UACA: variants seen among roughly 807,000 people sequenced by gnomAD.
UACA encodes nuclear membrane binding protein.
In UACA, 112 loss-of-function variants were observed where a neutral mutation model predicts 160.5. That is an observed-to-expected ratio of 0.70 (90% CI 0.60 to 0.82). The LOEUF is 0.82. UACA is among the 40% of genes least tolerant of loss of function. The probability of loss-of-function intolerance (pLI) is 0.00; values close to 1 mark genes in which losing one functional copy is unlikely to be tolerated. For synonymous variants in UACA, 557 were observed against 568.4 expected, an observed-to-expected ratio of 0.98 and a Z score of 0.29; for missense variants, 1,574 against 1,614.6, an observed-to-expected ratio of 0.97 and a Z score of 0.43.
intron 18 of UACA, among the ~76,000 whole-genome samples, chr15:70,659,834 A>G (rs1004381824): frequency 6.6e-6 from 1 of 152,024 alleles, no homozygotes; most frequent in Admixed American, 6.6e-5. Flanking sequence ...TGACAGCCAC[A>G]CGTGGATGTC....
At chr15:70,757,677 A>G (rs2030510849) in intron 1 of UACA, among the ~76,000 whole-genome samples, 2 of 152,224 alleles carry the variant, frequency 1.3e-5, no homozygotes, top group South Asian at 4.1e-4. Context: ...TCACTTTCCT[A>G]GCATCCTCCA....
chr15:70,719,912 T>C (rs1420182674), intron 1 of UACA, among the ~76,000 whole-genome samples: 2 of 152,192 alleles, frequency 1.3e-5, no homozygotes, highest in African/African-American at 4.8e-5. Context: ...ATGTGCTTCC[T>C]TTCTTCCCCC....
chr15:70,667,283 T>C lies in UACA; in HGVS notation c.3401A>G (p.Glu1134Gly). The C allele has an allele frequency of 6.2e-7, 1 of 1,612,182 alleles. No homozygotes were observed. The highest frequency in any genetic ancestry group is 8.5e-7 in the Non-Finnish European group (1 of 1,179,624). Residue 1134 changes from glutamate (E) to glycine (G), a missense_variant, in exon 16 of 19, where the codon GAA becomes GGA. Coordinates refer to ENST00000322954, the MANE Select transcript of UACA (RefSeq NM_018003.4). ...LNGTIENLKE[E>G]LKSMQRCYEK... ...GTAACACCTTTGCATACTCTTCAGT[T>C]CTTCCTTTAGATTTTCAATTGTGCC...
rs142025884 is a variant in UACA at position 70,677,869 on chromosome 15, G to A, written c.999+230C>T. ...CACAGGAAGTGCCCCCCTCAGAAGC[G>A]GCAGCCCACAGTGATCTCTCCTCAC... On this transcript the variant is annotated intron_variant, in intron 11 of 18. Coordinates refer to ENST00000322954, the MANE Select transcript of UACA (RefSeq NM_018003.4). Among the ~76,000 whole-genome samples the A allele has an allele frequency of 2.3e-3, 349 of 152,140 alleles. 3 individuals carry two copies. The highest frequency in any genetic ancestry group is 8.3e-3 in the African/African-American group (343 of 41,516).
Position 70,761,741 on chromosome 15 carries a change from AG to A in UACA, c.78+1588del, listed in dbSNP as rs202217031. On this transcript the variant is annotated intron_variant, in intron 1 of 18. Coordinates refer to ENST00000322954, the MANE Select transcript of UACA (RefSeq NM_018003.4). ...TTGAGAAAAATAGAACGCTCAATTG[AG>A]TGCTAAAGATTTAAGCTCAGAGATA... Among the ~76,000 whole-genome samples the A allele has an allele frequency of 6.1e-3, 926 of 152,332 alleles. 12 individuals carry two copies. The highest frequency in any genetic ancestry group is 0.021 in the African/African-American group (880 of 41,574).
chr15:70,679,125 G>A (rs117220628), intron 10 of UACA, among the ~76,000 whole-genome samples: 2,371 of 152,148 alleles, frequency 0.016, 21 homozygotes, highest in Non-Finnish European at 0.024. Context: ...TTAGGCAGCC[G>A]GGTGTGGTGG....
chr15:70,774,909 G>T, the UACA span, among the ~76,000 whole-genome samples: 1 of 151,868 alleles, frequency 6.6e-6, no homozygotes, highest in African/African-American at 2.4e-5. Context: ...AATAAAATTA[G>T]CCAGGCATAG....
At chr15:70,747,860 T>C (rs1899759122) in intron 1 of UACA, among the ~76,000 whole-genome samples, 1 of 152,064 alleles carries the variant, frequency 6.6e-6, no homozygotes, top group Non-Finnish European at 1.5e-5. Context: ...TAGAAAAAAA[T>C]AAAATAGAAT....
intron 1 of UACA, among the ~76,000 whole-genome samples, chr15:70,756,839 C>T (rs1192702312): frequency 6.6e-6 from 1 of 152,188 alleles, no homozygotes; most frequent in Non-Finnish European, 1.5e-5. Flanking sequence ...CACCACTGCA[C>T]TCCAGCTGGG....
At position 70,684,264 on chromosome 15, in the gene UACA, C is replaced by T; in HGVS notation, c.784+1G>A. 4 of 1,598,976 alleles carry T rather than the reference C, an allele frequency of 2.5e-6. No individual in the cohort carries two copies. The highest frequency in any genetic ancestry group is 2.6e-6 in the Non-Finnish European group (3 of 1,174,534). ...TTCTAGTTACAGAAAACTGCTGATACCTTTGTTGGTATTTTCCGATGCAGT... is the reference window on the plus strand; with the variant it reads ...TTCTAGTTACAGAAAACTGCTGATATCTTTGTTGGTATTTTCCGATGCAGT... On this transcript the variant is annotated splice_donor_variant, in intron 8 of 18. Coordinates refer to ENST00000322954, the MANE Select transcript of UACA (RefSeq NM_018003.4). LOFTEE classifies it high-confidence loss of function.
intron 1 of UACA, among the ~76,000 whole-genome samples, chr15:70,725,543 C>A (rs1899119013): frequency 6.6e-6 from 1 of 152,204 alleles, no homozygotes; most frequent in East Asian, 1.9e-4. Flanking sequence ...AACTTCCCTT[C>A]TCCCTGTCTG....
chr15:70,667,599 C>G lies in UACA; in HGVS notation c.3085G>C (p.Glu1029Gln), dbSNP rs765892818. 1 of 1,612,990 alleles carries G rather than the reference C, an allele frequency of 6.2e-7. No individual in the cohort carries two copies. The highest frequency in any genetic ancestry group is 8.5e-7 in the Non-Finnish European group (1 of 1,179,954). ...ATCTCCTTCTTTAACTTGTCATTCT[C>G]TTGCTTGTTTTTCTTGACTTCTTCT... ...SEEEVKKNKQ[E>Q]NDKLKKEIFT... The change falls in exon 16 of 19, where the codon GAG (glutamate) becomes CAG (glutamine). Residue 1029 changes from glutamate to glutamine, a missense_variant. By Grantham distance (29) the Glu-to-Gln change is conservative. Transcript: ENST00000322954.
chr15:70,686,163 T>C (rs1169943786), intron 7 of UACA, among the ~76,000 whole-genome samples: 1 of 151,880 alleles, frequency 6.6e-6, no homozygotes, highest in South Asian at 2.1e-4. Context: ...TTAAAGAGGT[T>C]TATTCTGAGC....
chr15:70,770,050 A>C, the UACA span, among the ~76,000 whole-genome samples: 1 of 152,250 alleles, frequency 6.6e-6, no homozygotes, highest in African/African-American at 2.4e-5. Context: ...ATTTAAAAAA[A>C]TACTTACTGC....
At chr15:70,665,086 T>A in intron 16 of UACA, 1 of 248,144 alleles carries the variant, frequency 4.0e-6, no homozygotes. Context: ...TAGTCTTACT[T>A]TTAGCTAATA....
At chr15:70,677,639 C>A (rs531965308) in intron 11 of UACA, among the ~76,000 whole-genome samples, 1 of 152,188 alleles carries the variant, frequency 6.6e-6, no homozygotes, top group African/African-American at 2.4e-5. Context: ...ATTTAAAGAG[C>A]AAACTGATGA....
In UACA at chr15:70,678,110, G is replaced by C; in HGVS notation, c.988C>G (p.Gln330Glu). The C allele has an allele frequency of 6.3e-7, 1 of 1,597,328 alleles. No individual in the cohort carries two copies. ...LLDKVNGLQL[Q>E]LNEEVMVADD... ...GCAGATTTATTTACCTCATTCAGCTGTAACTGTAAACCATTGACTTTATCC... is the reference window on the plus strand; with the variant it reads ...GCAGATTTATTTACCTCATTCAGCTCTAACTGTAAACCATTGACTTTATCC... Residue 330 changes from glutamine to glutamate, a missense_variant, in exon 11 of 19, where the codon CAG becomes GAG. Physicochemically the swap from Gln to Glu is conservative, Grantham distance 29 (BLOSUM62 2). Transcript: ENST00000322954.
chr15:70,755,674 A>T (rs1445134975), intron 1 of UACA, among the ~76,000 whole-genome samples: 1 of 144,918 alleles, frequency 6.9e-6, no homozygotes, highest in African/African-American at 2.8e-5. Flanking sequence ...TATTCTCAAA[A>T]ATAAAAAAAA....
At chr15:70,670,257 C>T (rs997480247) in intron 15 of UACA, among the ~76,000 whole-genome samples, 18 of 152,160 alleles carry the variant, frequency 1.2e-4, no homozygotes, top group Non-Finnish European at 2.5e-4. Flanking sequence ...CCCTAGAGAG[C>T]AGGTGCACAA....
Sources: gnomAD v4.1 joint callset for allele counts (sites outside exome capture counted in the v4.1 genomes callset) on GRCh38, gnomAD v4.1.1 for gene constraint, MANE v1.5 for transcripts, NCBI Gene and HGNC (gene_info 2026-07-23, HGNC 2026-07-21) for gene names.